BMERB1: variants seen among roughly 807,000 people sequenced by gnomAD.
BMERB1 encodes bMERB domain containing 1.
BMERB1 carries 12 observed loss-of-function variants against 23.6 expected under a neutral mutation model. The ratio of observed to expected loss-of-function variants is 0.51; its 90% CI spans 0.33 to 0.82. The LOEUF is 0.82. Among genes scored for constraint, BMERB1 ranks in the 40% least tolerant of loss-of-function variants. The probability of loss-of-function intolerance (pLI) is 0.03; values close to 1 mark genes in which losing one functional copy is unlikely to be tolerated. For synonymous variants in BMERB1, 122 were observed against 96.6 expected, an observed-to-expected ratio of 1.26 and a Z score of -1.54; for missense variants, 247 against 255.4, an observed-to-expected ratio of 0.97 and a Z score of 0.22.
At chr16:15,438,550 C>T (rs534442674) in intron 1 of BMERB1, among the ~76,000 whole-genome samples, 23 of 151,936 alleles carry the variant, frequency 1.5e-4, no homozygotes, top group Admixed American at 7.9e-4. Flanking sequence ...ACATCTGCCT[C>T]CCAGGTTCAA....
At chr16:15,486,929 T>G in intron 1 of BMERB1, among the ~76,000 whole-genome samples, 1 of 152,166 alleles carries the variant, frequency 6.6e-6, no homozygotes, top group East Asian at 1.9e-4. Context: ...CCATTAAATG[T>G]GTTAATGTAA....
Position 15,586,185 on chromosome 16 carries a change from A to C in BMERB1, c.503-532A>C, listed in dbSNP as rs1448220705. 2.0e-5 allele frequency among the ~76,000 whole-genome samples: 3 copies of C among 152,166 alleles called. No individual in the cohort carries two copies. In the East Asian group the frequency reaches 5.8e-4, roughly 29 times the overall value. On this transcript the variant is annotated intron_variant, in intron 5 of 5. Transcript: ENST00000300006. ...GTTACACAGAATGCAGCACAAAGAGAAAAAGAGATGAGAAATATGAAAGAG... is the reference window on the plus strand; with the variant it reads ...GTTACACAGAATGCAGCACAAAGAGCAAAAGAGATGAGAAATATGAAAGAG...
intron 1 of BMERB1, among the ~76,000 whole-genome samples, chr16:15,468,803 G>A (rs2051205313): frequency 6.6e-6 from 1 of 151,984 alleles, no homozygotes; most frequent in Admixed American, 6.6e-5. Context: ...TGTTCTGAAA[G>A]TATTATAGTT....
chr16:15,443,002 C>T (rs1705264850), intron 1 of BMERB1, among the ~76,000 whole-genome samples: 2 of 152,154 alleles, frequency 1.3e-5, no homozygotes, highest in South Asian at 4.1e-4. Flanking sequence ...AATCCCAGCA[C>T]TTTGGGAGGC....
rs1726788253 is a variant in BMERB1 at position 15,587,759 on chromosome 16, C to A, written c.*930C>A. 1 of 275,356 alleles carries A rather than the reference C, an allele frequency of 3.6e-6. No homozygotes were observed. Among genetic ancestry groups the A allele is most frequent in the African/African-American group, 2.3e-5 (1 of 44,366 alleles). The allele number at this position is 275,356 out of a possible 1,614,324, so 17.1% of individuals were successfully genotyped here. A position where few individuals can be genotyped will look rare whatever the true frequency, so the allele number is the denominator to read the frequency against. On this transcript the variant is annotated 3_prime_UTR_variant, in exon 6 of 6. Coordinates refer to ENST00000300006, the MANE Select transcript of BMERB1 (RefSeq NM_033201.3). ...AGCGTGTGACCAGATTGTGTCCCGT[C>A]ATTGGGTGGCATATGTTAACTAGCT... is the stretch of plus-strand genomic sequence containing the variant.
chr16:15,447,526 G>T (rs911163755), intron 1 of BMERB1, among the ~76,000 whole-genome samples: 1 of 152,094 alleles, frequency 6.6e-6, no homozygotes. Context: ...CGTATCAAAG[G>T]CTAATTAAGA....
chr16:15,461,624 G>A (rs2051136614), intron 1 of BMERB1, among the ~76,000 whole-genome samples: 1 of 152,066 alleles, frequency 6.6e-6, no homozygotes, highest in African/African-American at 2.4e-5. Context: ...TAGGCTGCCA[G>A]TAAAAATACT....
chr16:15,449,179 A>G (rs924745919), intron 1 of BMERB1, among the ~76,000 whole-genome samples: 1 of 152,248 alleles, frequency 6.6e-6, no homozygotes, highest in African/African-American at 2.4e-5. Context: ...TAAAGAAAAT[A>G]TGGTACATAT....
At chr16:15,447,981 C>T (rs1335300562) in intron 1 of BMERB1, 1 of 451,196 alleles carries the variant, frequency 2.2e-6, no homozygotes, top group Admixed American at 2.4e-5. Flanking sequence ...CCTCCACCTC[C>T]TGGGTTCAAG....
At chr16:15,479,342 T>C (rs1446577176) in intron 1 of BMERB1, among the ~76,000 whole-genome samples, 1 of 152,232 alleles carries the variant, frequency 6.6e-6, no homozygotes, top group African/African-American at 2.4e-5. Context: ...GACCAATACA[T>C]GATATTCCAA....
intron 2 of BMERB1, among the ~76,000 whole-genome samples, chr16:15,518,236 G>A (rs986345341): frequency 5.9e-5 from 9 of 152,188 alleles, no homozygotes; most frequent in Admixed American, 2.0e-4. Context: ...TAGACCCTAG[G>A]ATAAATCAAA....
At chr16:15,533,730 G>A (rs549194142) in intron 2 of BMERB1, among the ~76,000 whole-genome samples, 1 of 152,276 alleles carries the variant, frequency 6.6e-6, no homozygotes, top group East Asian at 1.9e-4. Context: ...AAAGAGGACA[G>A]AGCGTCTGCC....
intron 1 of BMERB1, among the ~76,000 whole-genome samples, chr16:15,474,844 C>T (rs186529150): frequency 9.2e-5 from 14 of 152,144 alleles, no homozygotes; most frequent in Admixed American, 4.6e-4. Context: ...TGCACCACCA[C>T]GTCCAGCTAA....
At chr16:15,526,064 C>T (rs765020655) in intron 2 of BMERB1, among the ~76,000 whole-genome samples, 17 of 152,110 alleles carry the variant, frequency 1.1e-4, no homozygotes, top group Non-Finnish European at 2.4e-4. Flanking sequence ...TTCAGTCTCT[C>T]GGTAGCCTGA....
intron 1 of BMERB1, among the ~76,000 whole-genome samples, chr16:15,480,606 C>CTTTTTTT (rs1159247360): frequency 1.2e-4 from 7 of 59,004 alleles, no homozygotes; most frequent in Admixed American, 3.2e-4. Context: ...ATTCCACTGT[C>CTTTTTTT]TTTTTTTTTT....
chr16:15,552,308 T>A (rs980651613), intron 2 of BMERB1, among the ~76,000 whole-genome samples: 2 of 152,052 alleles, frequency 1.3e-5, no homozygotes, highest in Admixed American at 1.3e-4. Flanking sequence ...GGTATGGTGG[T>A]GTGCCCCTGT....
At chr16:15,462,137 CTTTTTTTTTTTTTTTTTT>C (rs71152431) in intron 1 of BMERB1, among the ~76,000 whole-genome samples, 19 of 56,932 alleles carry the variant, frequency 3.3e-4, no homozygotes, top group African/African-American at 1.3e-3. Context: ...GATGTCCTGC[CTTTTTTTTTTTTTTTTTT>C]TTTTTTTTTT....
At chr16:15,569,678 G>T (rs1763634950) in intron 3 of BMERB1, among the ~76,000 whole-genome samples, 2 of 152,168 alleles carry the variant, frequency 1.3e-5, no homozygotes, top group South Asian at 4.1e-4. Context: ...GGGGTGCTAA[G>T]TCCACTTCTG....
In BMERB1 at chr16:15,581,199, T is replaced by C. The variant is rs770636426; in HGVS notation, c.305-18T>C. The C allele has an allele frequency of 1.3e-6, 2 of 1,589,310 alleles. No homozygotes were observed. The highest frequency in any genetic ancestry group is 3.5e-5 in the Admixed American group (2 of 56,878). On this transcript the variant is annotated intron_variant, in intron 3 of 5. Transcript: ENST00000300006. ...CCCAAAATGCTCATCTGTCTCCTTGTTGATGTCTTCTTTCCAGAAAAAGAA... is the reference window on the plus strand; with the variant it reads ...CCCAAAATGCTCATCTGTCTCCTTGCTGATGTCTTCTTTCCAGAAAAAGAA...
Sources: gnomAD v4.1 joint callset for allele counts (sites outside exome capture counted in the v4.1 genomes callset) on GRCh38, gnomAD v4.1.1 for gene constraint, MANE v1.5 for transcripts, NCBI Gene and HGNC (gene_info 2026-07-23, HGNC 2026-07-21) for gene names.